The following AK7 variants were observed in gnomAD, a reference collection of about 807,000 sequenced individuals.
AK7 encodes ATP-AMP transphosphorylase 7.
In AK7, 78 loss-of-function variants were observed where a neutral mutation model predicts 96.6. The ratio of observed to expected loss-of-function variants is 0.81; its 90% CI spans 0.67 to 0.97. The LOEUF (loss-of-function observed/expected upper bound fraction) is 0.97, where lower values mean the gene tolerates loss of function less well. Ranked by LOEUF, AK7 falls within the 50% of genes least tolerant of loss-of-function variation. The pLI, the probability that AK7 is intolerant of heterozygous loss-of-function variation, is 0.00. For synonymous variants in AK7, 302 were observed against 317.2 expected (o/e 0.95, Z 0.51); for missense variants, 855 against 887.9 (o/e 0.96, Z 0.47).
intron 12 of AK7, among the ~76,000 whole-genome samples, chr14:96,468,584 A>G (rs771859671): frequency 5.9e-5 from 9 of 151,976 alleles, no homozygotes; most frequent in Admixed American, 3.3e-4. Flanking sequence ...GGCGTGAGCC[A>G]CCACGCCCGG....
At chr14:96,453,446 C>T (rs1042627590) in intron 10 of AK7, among the ~76,000 whole-genome samples, 3 of 152,210 alleles carry the variant, frequency 2.0e-5, no homozygotes, top group Non-Finnish European at 2.9e-5. Context: ...GAAACACTAC[C>T]GAGGCCAGTG....
intron 16 of AK7, among the ~76,000 whole-genome samples, chr14:96,486,616 C>T (rs1010446615): frequency 1.3e-4 from 20 of 151,508 alleles, no homozygotes; most frequent in Non-Finnish European, 5.9e-5. Context: ...CCAATGCCCT[C>T]CAGACTTTCT....
chr14:96,402,421 G>C (rs984535117), intron 2 of AK7, among the ~76,000 whole-genome samples: 2 of 152,176 alleles, frequency 1.3e-5, no homozygotes, highest in African/African-American at 4.8e-5. Context: ...ACGTGTGCGT[G>C]TTTTTCTGTG....
chr14:96,433,009 C>T (rs1892445862), intron 5 of AK7, among the ~76,000 whole-genome samples: 1 of 152,126 alleles, frequency 6.6e-6, no homozygotes, highest in African/African-American at 2.4e-5. Flanking sequence ...CCACTCTCTT[C>T]TGCCTTGTAG....
chr14:96,476,203 T>C (rs1449922717), intron 14 of AK7, among the ~76,000 whole-genome samples: 1 of 152,006 alleles, frequency 6.6e-6, no homozygotes, highest in African/African-American at 2.4e-5. Flanking sequence ...ATTTGGAAAT[T>C]TGTTAAAACA....
chr14:96,455,633 G>A (rs1893854219), intron 10 of AK7, among the ~76,000 whole-genome samples: 1 of 152,192 alleles, frequency 6.6e-6, no homozygotes, highest in South Asian at 2.1e-4. Flanking sequence ...GCCCTGTACT[G>A]TGCACTGTCT....
chr14:96,413,483 G>A (rs559753446), intron 4 of AK7, among the ~76,000 whole-genome samples: 1 of 152,308 alleles, frequency 6.6e-6, no homozygotes, highest in East Asian at 1.9e-4. Flanking sequence ...GGTAGGCTGA[G>A]TCTCTGAACC....
intron 4 of AK7, among the ~76,000 whole-genome samples, chr14:96,409,581 A>T (rs117893333): frequency 1.3e-5 from 2 of 152,332 alleles, no homozygotes; most frequent in East Asian, 3.9e-4. Flanking sequence ...CTAAATAAAT[A>T]AAGGAAGAAA....
intron 10 of AK7, among the ~76,000 whole-genome samples, chr14:96,453,331 C>T (rs183578207): frequency 6.6e-6 from 1 of 152,244 alleles, no homozygotes; most frequent in East Asian, 1.9e-4. Context: ...TTTGAAGAGA[C>T]CGTATGGTTC....
intron 12 of AK7, among the ~76,000 whole-genome samples, chr14:96,463,888 G>A (rs1894410436): frequency 6.6e-6 from 1 of 152,024 alleles, no homozygotes; most frequent in Admixed American, 6.6e-5. Context: ...CAATAACAGG[G>A]AAGGGTGGGG....
chr14:96,447,931 C>G (rs1219122476), intron 8 of AK7, among the ~76,000 whole-genome samples: 1 of 152,000 alleles, frequency 6.6e-6, no homozygotes, highest in Non-Finnish European at 1.5e-5. Context: ...TCAGCTCAAG[C>G]CTGGGCAACA....
intron 5 of AK7, among the ~76,000 whole-genome samples, chr14:96,429,084 T>A (rs1016767535): frequency 2.6e-5 from 4 of 152,248 alleles, no homozygotes; most frequent in Non-Finnish European, 5.9e-5. Context: ...TTCTGGGGTT[T>A]TTATGGTTTT....
chr14:96,410,310 T>A (rs900354630), intron 4 of AK7, among the ~76,000 whole-genome samples: 9 of 152,298 alleles, frequency 5.9e-5, no homozygotes, highest in African/African-American at 2.2e-4. Context: ...TCCAGCTAAG[T>A]GTCCACTATA....
intron 12 of AK7, 148 bp from the exon 13 acceptor site, chr14:96,471,330 C>CT: frequency 8.4e-6 from 3 of 357,858 alleles, no homozygotes; most frequent in Non-Finnish European, 1.3e-5. Flanking sequence ...GACCCCGTCT[C>CT]TTTAAAAAAA....
At chr14:96,440,446 G>T (rs1343910727) in intron 6 of AK7, among the ~76,000 whole-genome samples, 4 of 152,058 alleles carry the variant, frequency 2.6e-5, no homozygotes, top group Admixed American at 6.6e-5. Context: ...CTCTCCCTTG[G>T]TCTGTTTATT....
At chr14:96,392,302 C>T in intron 1 of AK7, 43 bp downstream of exon 1, 1 of 1,534,108 alleles carries the variant, frequency 6.5e-7, no homozygotes, top group Non-Finnish European at 9.0e-7. Flanking sequence ...CAGCTCTCAG[C>T]TCCCAGCCCT....
intron 4 of AK7, among the ~76,000 whole-genome samples, chr14:96,415,798 T>TTAAATTAATTTAATACATTAATTAA (rs1566768640): frequency 2.9e-4 from 43 of 147,154 alleles, no homozygotes; most frequent in Non-Finnish European, 5.6e-4. Context: ...CATTAATTAA[T>TTAAATTAATTTAATACATTAATTAA]TAAATTAATT....
rs76041644 is a variant in AK7 at position 96,421,282 on chromosome 14, A to G, written c.609+350A>G. ...CTTAAAACAACTCTGAAAAGTGCCT[A>G]TTAACCTCCTCTTATGAATAAGGAG... On this transcript the variant is annotated intron_variant, in intron 5 of 17. Coordinates refer to ENST00000267584, the MANE Select transcript of AK7 (RefSeq NM_152327.5). 388 of 164,042 alleles carry G rather than the reference A, an allele frequency of 2.4e-3. 9 individuals are homozygous for G. In the South Asian group the frequency reaches 0.049, roughly 21 times the overall value. 10.2% of individuals were successfully genotyped at this position (164,042 alleles called of 1,614,324 possible).
At chr14:96,442,107 A>G (rs939163915) in intron 6 of AK7, among the ~76,000 whole-genome samples, 2 of 152,188 alleles carry the variant, frequency 1.3e-5, no homozygotes, top group African/African-American at 4.8e-5. Context: ...AATATGTGAC[A>G]CTTAAACAGT....
Sources: gnomAD v4.1 joint callset for allele counts (sites outside exome capture counted in the v4.1 genomes callset) on GRCh38, gnomAD v4.1.1 for gene constraint, MANE v1.5 for transcripts, NCBI Gene and HGNC (gene_info 2026-07-23, HGNC 2026-07-21) for gene names.